The following ZFAND4 variants were observed in gnomAD, a reference collection of about 807,000 sequenced individuals.
ZFAND4 encodes the protein zinc finger AN1-type containing 4.
Under a neutral mutation model 64.4 loss-of-function variants are expected in ZFAND4, and 43 were observed. The ratio of observed to expected loss-of-function variants is 0.67; its 90% CI spans 0.52 to 0.86. The LOEUF is 0.86. Among genes scored for constraint, ZFAND4 ranks in the 40% least tolerant of loss-of-function variants. The probability of loss-of-function intolerance (pLI) is 0.00; values close to 1 mark genes in which losing one functional copy is unlikely to be tolerated. For synonymous variants in ZFAND4, 296 were observed against 305.7 expected, an observed-to-expected ratio of 0.97 and a Z score of 0.33; for missense variants, 929 against 859.8, an observed-to-expected ratio of 1.08 and a Z score of -1.01.
At chr10:45,643,465 T>G (rs1292527522) in intron 5 of ZFAND4, among the ~76,000 whole-genome samples, 3 of 150,824 alleles carry the variant, frequency 2.0e-5, no homozygotes, top group Non-Finnish European at 4.4e-5. Flanking sequence ...GGACGGGAGA[T>G]CAAGACCATC....
chr10:45,617,312 G>A (rs117396780), intron 9 of ZFAND4, among the ~76,000 whole-genome samples: 5 of 151,638 alleles, frequency 3.3e-5, no homozygotes, highest in Non-Finnish European at 5.9e-5. Flanking sequence ...GTTTTCATTC[G>A]AACCGAATAC....
chr10:45,669,767 C>T (rs138903443), intron 1 of ZFAND4, among the ~76,000 whole-genome samples: 6,053 of 152,262 alleles, frequency 0.04, 162 homozygotes, highest in Non-Finnish European at 0.059. Context: ...TAAACAGAGC[C>T]AATGACAAAA....
rs1398864833 is a variant in ZFAND4, at chr10:45,617,361, C to T, written c.2048+779G>A. ...GGGATTGGGATGGGTGTGGTGGCGG[C>T]TCACACCTGAAATTCCAGCACTTTG... is the stretch of plus-strand genomic sequence containing the variant. On this transcript the variant is annotated intron_variant, in intron 9 of 9. Coordinates refer to ENST00000344646, the MANE Select transcript of ZFAND4 (RefSeq NM_174890.4). 2.0e-5 allele frequency among the ~76,000 whole-genome samples: 3 copies of T among 152,146 alleles called. No individual in the cohort carries two copies. In the East Asian group the frequency reaches 5.8e-4, roughly 29 times the overall value.
chr10:45,654,251 A>T (rs1163979473), intron 2 of ZFAND4, among the ~76,000 whole-genome samples: 2 of 152,148 alleles, frequency 1.3e-5, no homozygotes, highest in Non-Finnish European at 2.9e-5. Flanking sequence ...TCATACACCA[A>T]ACTTCAGCAA....
intron 2 of ZFAND4, chr10:45,662,589 T>G (rs2048550513): frequency 1.0e-6 from 1 of 985,404 alleles, no homozygotes; most frequent in Non-Finnish European, 1.2e-6. Context: ...CCAAATCATT[T>G]AGGGCAGACA....
chr10:45,627,809 G>A (rs1343562461), intron 6 of ZFAND4, among the ~76,000 whole-genome samples: 2 of 152,150 alleles, frequency 1.3e-5, no homozygotes, highest in Admixed American at 6.5e-5. Flanking sequence ...CACATATATT[G>A]TTACAACTCA....
chr10:45,629,341 C>T (rs566627411), intron 6 of ZFAND4, among the ~76,000 whole-genome samples: 1 of 152,094 alleles, frequency 6.6e-6, no homozygotes, highest in Non-Finnish European at 1.5e-5. Flanking sequence ...GGATTATAGG[C>T]ATGAGCCACC....
At chr10:45,617,968 G>A (rs2045124633) in intron 9 of ZFAND4, 172 bp downstream of exon 9, 2 of 574,322 alleles carry the variant, frequency 3.5e-6, no homozygotes, top group Non-Finnish European at 2.8e-6. Flanking sequence ...GGAAACCCAT[G>A]AGCTATCTAC....
chr10:45,652,991 C>A lies in ZFAND4; in HGVS notation c.253G>T (p.Asp85Tyr). The change falls in exon 3 of 10, where the codon GAT becomes TAT. Residue 85 changes from aspartate (D) to tyrosine (Y), a missense_variant. Asp to Tyr is a radical substitution (Grantham distance 160). Coordinates refer to ENST00000344646, the MANE Select transcript of ZFAND4 (RefSeq NM_174890.4). ...MELENDYCLN[D>Y]YNISEGCTLK... is the part of the protein sequence containing the mutation. ...ATATGCAATTACACTCACTTGTAAT[C>A]ATTCAAGCAATAATCATTTTCAAGT... 6.2e-7 allele frequency: 1 copy of A among 1,611,004 alleles called. No individual in the cohort carries two copies. The highest frequency in any genetic ancestry group is 1.1e-5 in the South Asian group (1 of 90,688).
At chr10:45,622,317 CT>C (rs1408570305) in intron 8 of ZFAND4, among the ~76,000 whole-genome samples, 5 of 152,102 alleles carry the variant, frequency 3.3e-5, no homozygotes, top group Non-Finnish European at 5.9e-5. Flanking sequence ...AAGTGGAACC[CT>C]TACTTTACAC....
intron 2 of ZFAND4, among the ~76,000 whole-genome samples, chr10:45,656,892 C>T (rs969640340): frequency 5.3e-5 from 8 of 152,088 alleles, no homozygotes; most frequent in Non-Finnish European, 1.2e-4. Context: ...AGAAAGAGTG[C>T]CCTCACCAGA....
Position 45,615,781 on chromosome 10 carries a change from C to T in ZFAND4, c.*655G>A, listed in dbSNP as rs2044905991. On this transcript the variant is annotated 3_prime_UTR_variant, in exon 10 of 10. Transcript: ENST00000344646. ...AACATTCAAAAAGTAGTAAAATATACACTATCATGAACACGATGTGTTTTA... is the reference window on the plus strand; with the variant it reads ...AACATTCAAAAAGTAGTAAAATATATACTATCATGAACACGATGTGTTTTA... 1 of 152,014 alleles carries T rather than the reference C, an allele frequency of 6.6e-6. No homozygotes were observed. Among genetic ancestry groups the T allele is most frequent in the Admixed American group, 6.5e-5 (1 of 15,274 alleles). The allele number at this position is 152,014 out of a possible 1,614,324, so 9.4% of individuals were successfully genotyped here.
rs1052539917 is a variant in ZFAND4, at chr10:45,625,920, T to G, written c.1872+31A>C. On this transcript the variant is annotated intron_variant, in intron 7 of 9. Coordinates refer to ENST00000344646, the MANE Select transcript of ZFAND4 (RefSeq NM_174890.4). ...TAAGTTGAATCACTACAAGGATAAC[T>G]ACTAGAGCATGTTGAAAGGAAAATA... 5 of 1,594,560 alleles carry G rather than the reference T, an allele frequency of 3.1e-6. No homozygotes were observed. The African/African-American group carries it at 6.8e-5, about 22-fold the overall frequency.
At chr10:45,665,544 A>G (rs2048767255) in intron 1 of ZFAND4, among the ~76,000 whole-genome samples, 1 of 152,198 alleles carries the variant, frequency 6.6e-6, no homozygotes, top group African/African-American at 2.4e-5. Context: ...CCATCATTAA[A>G]TAAGAAAAAA....
At chr10:45,638,761 AG>A (rs2046794722) in intron 6 of ZFAND4, among the ~76,000 whole-genome samples, 1 of 152,258 alleles carries the variant, frequency 6.6e-6, no homozygotes, top group African/African-American at 2.4e-5. Context: ...ACAGTACAAT[AG>A]TACACAACAA....
chr10:45,619,196 G>A (rs975330413), intron 8 of ZFAND4, among the ~76,000 whole-genome samples: 4 of 151,762 alleles, frequency 2.6e-5, no homozygotes, highest in African/African-American at 9.7e-5. Context: ...GCACCACCAC[G>A]CTCAGCTTTT....
At chr10:45,647,674 T>C (rs1032827168) in intron 5 of ZFAND4, among the ~76,000 whole-genome samples, 5 of 152,132 alleles carry the variant, frequency 3.3e-5, no homozygotes, top group African/African-American at 1.2e-4. Context: ...GCAGACTGCA[T>C]GCTCCATGAA....
intron 5 of ZFAND4, among the ~76,000 whole-genome samples, chr10:45,641,577 C>T (rs1469920210): frequency 6.6e-6 from 1 of 152,198 alleles, no homozygotes; most frequent in Non-Finnish European, 1.5e-5. Flanking sequence ...TGGGTAGCAT[C>T]TGAAGGAAGA....
intron 1 of ZFAND4, among the ~76,000 whole-genome samples, chr10:45,667,915 C>T (rs1442364138): frequency 6.6e-6 from 1 of 152,198 alleles, no homozygotes; most frequent in East Asian, 1.9e-4. Context: ...GTGGGGTTTT[C>T]ATAGATTACC....
Sources: allele counts gnomAD v4.1 joint callset (sites outside exome capture counted in the v4.1 genomes callset), GRCh38; gene constraint gnomAD v4.1.1; transcripts MANE v1.5; gene names NCBI Gene and HGNC (gene_info 2026-07-23, HGNC 2026-07-21).